Variants in SLC14A2 observed in about 807,000 individuals in gnomAD.
The protein encoded by SLC14A2 is urea transporter 2.
A neutral mutation model predicts 104.6 loss-of-function variants in SLC14A2; 91 were observed. The observed-to-expected ratio is 0.87, with a 90% CI of 0.73 to 1.04. SLC14A2 has a LOEUF of 1.04. SLC14A2 is among the 50% of genes least tolerant of loss of function. SLC14A2 has a pLI of 0.00. For missense variants in SLC14A2, 1,189 were observed against 1,156.0 expected, an observed-to-expected ratio of 1.03 and a Z score of -0.41; for synonymous variants, 476 against 466.4, an observed-to-expected ratio of 1.02 and a Z score of -0.27.
At chr18:45,446,238 C>G (rs145616011) in intron 1 of SLC14A2, among the ~76,000 whole-genome samples, 2 of 152,252 alleles carry the variant, frequency 1.3e-5, no homozygotes, top group South Asian at 2.1e-4. Context: ...AATGTTTGTG[C>G]CCTCCTCATT....
chr18:45,650,171 TCCATTTGA>T (rs56879772), intron 10 of SLC14A2, among the ~76,000 whole-genome samples: 140,774 of 151,930 alleles, frequency 0.93, 65,344 homozygotes, highest in Middle Eastern at 0.96. Context: ...CATTTGACCT[TCCATTTGA>T]CCAGGCCAGT....
At chr18:45,482,013 A>G (rs369274268) in intron 1 of SLC14A2, among the ~76,000 whole-genome samples, 43 of 152,284 alleles carry the variant, frequency 2.8e-4, no homozygotes, top group African/African-American at 1.0e-3. Flanking sequence ...ACAACTCAAG[A>G]TAAAGTAGTT....
Position 45,667,815 on chromosome 18 carries a change from G to A in SLC14A2, c.1718-18G>A, listed in dbSNP as rs200282210. 1 of 1,610,974 alleles carries A rather than the reference G, an allele frequency of 6.2e-7. No homozygotes were observed. The highest frequency in any genetic ancestry group is 2.2e-5 in the East Asian group (1 of 44,850). On this transcript the variant is annotated intron_variant, in intron 13 of 19. Transcript: ENST00000255226. ...CACACTGAGCACTTGCCTACTTCCT[G>A]CCCCGGTTCCATTTCAGACAAGTCC...
rs372109413 is a variant in SLC14A2, at chr18:45,666,978, C to G, written c.1601C>G (p.Thr534Arg). 3 of 1,614,028 alleles carry G rather than the reference C, an allele frequency of 1.9e-6. No individual in the cohort carries two copies. The highest frequency in any genetic ancestry group is 2.5e-6 in the Non-Finnish European group (3 of 1,179,890). ...GAGAGCTCTGAGATAAAAGTGGAAA[C>G]AAACATTTCCAAGACATCCTGGATT... Reference protein sequence around the residue: ...MEESSEIKVETNISKTSWIRS... With the variant: ...MEESSEIKVERNISKTSWIRS... Residue 534 changes from threonine (T) to arginine (R), a missense_variant, in exon 13 of 20, where the codon ACA becomes AGA. Transcript: ENST00000255226.
At chr18:45,258,187 T>G (rs572438529) in intron 1 of SLC14A2, among the ~76,000 whole-genome samples, 1 of 102,996 alleles carries the variant, frequency 9.7e-6, no homozygotes, top group South Asian at 3.2e-4. Context: ...AGATGTGATT[T>G]GAACGAGGCT....
At chr18:45,655,005 C>A (rs975312080) in intron 10 of SLC14A2, among the ~76,000 whole-genome samples, 2 of 152,166 alleles carry the variant, frequency 1.3e-5, no homozygotes, top group South Asian at 4.1e-4. Context: ...GCAGCTTCCA[C>A]GGAAGATGCT....
intron 2 of SLC14A2, among the ~76,000 whole-genome samples, chr18:45,519,554 G>T (rs925069327): frequency 3.9e-5 from 6 of 152,180 alleles, no homozygotes; most frequent in African/African-American, 1.4e-4. Flanking sequence ...GGGAATCCCA[G>T]ACACATAATT....
At chr18:45,434,841 G>T (rs1038251616) in intron 1 of SLC14A2, among the ~76,000 whole-genome samples, 1 of 152,172 alleles carries the variant, frequency 6.6e-6, no homozygotes, top group Non-Finnish European at 1.5e-5. Context: ...TACTTGAAGT[G>T]AATAGCTCTT....
intron 1 of SLC14A2, among the ~76,000 whole-genome samples, chr18:45,376,837 T>G (rs1260889151): frequency 3.9e-5 from 6 of 152,242 alleles, no homozygotes. Flanking sequence ...ATGGATACTT[T>G]ATAACGACAG....
At chr18:45,248,169 T>C (rs1408716545) in intron 1 of SLC14A2, among the ~76,000 whole-genome samples, 2 of 152,104 alleles carry the variant, frequency 1.3e-5, no homozygotes, top group African/African-American at 4.8e-5. Flanking sequence ...GAAGGAAATG[T>C]AGGGAGGTGG....
chr18:45,210,391 A>G (rs970418315), upstream of SLC14A2, among the ~76,000 whole-genome samples: 1 of 152,156 alleles, frequency 6.6e-6, no homozygotes, highest in African/African-American at 2.4e-5. Flanking sequence ...AGCAGCCTGG[A>G]CAGCATAGTG....
At chr18:45,464,535 A>C (rs2087104642) in intron 1 of SLC14A2, among the ~76,000 whole-genome samples, 1 of 152,208 alleles carries the variant, frequency 6.6e-6, no homozygotes, top group African/African-American at 2.4e-5. Context: ...AAAAGAAGCA[A>C]AGAAATAAAG....
At chr18:45,669,245 A>G in intron 15 of SLC14A2, 61 bp from the exon 16 acceptor site, 1 of 1,399,024 alleles carries the variant, frequency 7.1e-7, no homozygotes, top group East Asian at 2.3e-5. Flanking sequence ...CCACTGCAGC[A>G]CAGTCTAGTG....
At chr18:45,266,392 A>C (rs73425999) in intron 1 of SLC14A2, among the ~76,000 whole-genome samples, 4,055 of 152,202 alleles carry the variant, frequency 0.027, 194 homozygotes, top group African/African-American at 0.093. Flanking sequence ...GGTCTTGGCC[A>C]TGTCATGCTA....
At chr18:45,238,284 T>C (rs1444394310) in intron 1 of SLC14A2, among the ~76,000 whole-genome samples, 1 of 152,102 alleles carries the variant, frequency 6.6e-6, no homozygotes, top group African/African-American at 2.4e-5. Flanking sequence ...GGACACTGAG[T>C]GTGAAGGAAG....
chr18:45,197,744 C>T, the SLC14A2 span, among the ~76,000 whole-genome samples: 3 of 152,202 alleles, frequency 2.0e-5, no homozygotes, highest in Admixed American at 2.0e-4. Flanking sequence ...TCATTCATTG[C>T]TTGAAGTGTG....
intron 1 of SLC14A2, among the ~76,000 whole-genome samples, chr18:45,444,039 G>A (rs2086725019): frequency 6.6e-6 from 1 of 152,196 alleles, no homozygotes; most frequent in Admixed American, 6.5e-5. Flanking sequence ...AGAAGAAATG[G>A]AAGCACAGTA....
intron 2 of SLC14A2, among the ~76,000 whole-genome samples, chr18:45,544,777 C>T (rs1446940755): frequency 2.1e-5 from 3 of 141,164 alleles, no homozygotes; most frequent in African/African-American, 7.7e-5. Context: ...ATATATTTAT[C>T]AATAATGTCT....
chr18:45,547,095 T>A (rs1231742727), intron 2 of SLC14A2, among the ~76,000 whole-genome samples: 1 of 152,114 alleles, frequency 6.6e-6, no homozygotes, highest in Non-Finnish European at 1.5e-5. Context: ...GGTCCAGAGC[T>A]CCTTCATGTC....
Sources: allele counts gnomAD v4.1 joint callset (sites outside exome capture counted in the v4.1 genomes callset), GRCh38; gene constraint gnomAD v4.1.1; transcripts MANE v1.5; gene names NCBI Gene and HGNC (gene_info 2026-07-23, HGNC 2026-07-21).